NEB: variants seen among roughly 807,000 people sequenced by gnomAD.
The protein encoded by NEB is nebulin.
In NEB, 512 loss-of-function variants were observed where a neutral mutation model predicts 952.2. The ratio of observed to expected loss-of-function variants is 0.54; its 90% CI spans 0.50 to 0.58. NEB has a LOEUF of 0.58. NEB is among the 20% of genes least tolerant of loss of function. NEB has a pLI of 0.00. For synonymous variants in NEB, 2,900 were observed against 3,149.8 expected (o/e 0.92, Z 2.66); for missense variants, 8,428 against 9,231.1 (o/e 0.91, Z 3.56).
chr2:151,570,592 G>C lies in NEB; in HGVS notation c.17023C>G (p.Arg5675Gly), dbSNP rs547231033. 8.8e-6 allele frequency: 14 copies of C among 1,593,398 alleles called. No homozygotes were observed. The highest frequency in any genetic ancestry group is 1.2e-5 in the Non-Finnish European group (14 of 1,169,634). Reference sequence around the variant, plus strand: ...GCCTTCATTTCATCCCAGCCCTCACGGTAAAGTTTCTGAAAAGGAGAAAAA... The same window carrying C: ...GCCTTCATTTCATCCCAGCCCTCACCGTAAAGTTTCTGAAAAGGAGAAAAA... ...NALNVSNKLY[R>G]EGWDEMKAGC... The change falls in exon 108 of 182, where the codon CGT becomes GGT. Residue 5675 changes from arginine (R) to glycine (G), a missense_variant. Physicochemically the swap from Arg to Gly is moderately radical, Grantham distance 125 (BLOSUM62 -2). This residue lies in a region of NEB where 3,374 missense variants were observed against 3,651.5 expected (regional missense o/e 0.92). Coordinates refer to ENST00000397345, the MANE Select transcript of NEB (RefSeq NM_001164508.2).
intron 50 of NEB, among the ~76,000 whole-genome samples, 168 bp downstream of exon 50, chr2:151,655,649 G>GA (rs1389020550): frequency 6.6e-5 from 10 of 151,860 alleles, no homozygotes; most frequent in African/African-American, 1.7e-4. Context: ...GTCAAGAGAA[G>GA]AAAAAAAATA....
At chr2:151,570,431 T>C in intron 108 of NEB, 39 bp from the exon 109 acceptor site, 1 of 1,582,666 alleles carries the variant, frequency 6.3e-7, no homozygotes, top group Non-Finnish European at 8.6e-7. Context: ...TCACAGCATG[T>C]CCTCTTGATG....
rs2099015612 is a variant in NEB, at chr2:151,650,162, A to G, written c.7431+14T>C. 6.2e-7 allele frequency: 1 copy of G among 1,608,752 alleles called. No individual in the cohort carries two copies. Among genetic ancestry groups the G allele is most frequent in the African/African-American group, 1.3e-5 (1 of 74,806 alleles). On this transcript the variant is annotated intron_variant, in intron 54 of 181. Coordinates refer to ENST00000397345, the MANE Select transcript of NEB (RefSeq NM_001164508.2). ...CAGGCACTATAATCTATTTATTTCC[A>G]GAGTGCTACTCACATCACTCCTATT...
intron 129 of NEB, 86 bp from the exon 130 acceptor site, chr2:151,549,826 A>G (rs1245640305): frequency 5.3e-6 from 4 of 751,910 alleles, no homozygotes; most frequent in Non-Finnish European, 9.3e-6. Flanking sequence ...AGCTCATGTT[A>G]CAGTTTTGAC....
intron 75 of NEB, among the ~76,000 whole-genome samples, chr2:151,616,975 T>A (rs1332927981): frequency 6.6e-6 from 1 of 152,240 alleles, no homozygotes; most frequent in Non-Finnish European, 1.5e-5. Context: ...TAACATCAAA[T>A]GATTATCAGA....
rs770240346 is a variant in NEB, at chr2:151,692,066, T to C, written c.2099A>G (p.Asn700Ser). The C allele has an allele frequency of 5.6e-6, 9 of 1,613,724 alleles. No homozygotes were observed. The East Asian group carries it at 2.0e-4, about 36-fold the overall frequency. Residue 700 changes from asparagine (N) to serine (S), a missense_variant, in exon 22 of 182, where the codon AAC becomes AGC. Asn to Ser is a conservative substitution (Grantham distance 46). This residue lies in a region of NEB where 2,851 missense variants were observed against 2,791.5 expected (regional missense o/e 1.02). Transcript: ENST00000397345. ...CATTGTCTTCAAACTTACATCACTG[T>C]TTTGAGCTGCAACTTTCATGCAGTG... ...HTHCMKVAAQ[N>S]SDKSYKAEYE...
intron 13 of NEB, among the ~76,000 whole-genome samples, chr2:151,701,516 A>G (rs1211835499): frequency 6.7e-6 from 1 of 150,340 alleles, no homozygotes; most frequent in Non-Finnish European, 1.5e-5. Context: ...TGGTTGGTAA[A>G]CTATTGATTA....
At chr2:151,565,197 T>G in intron 116 of NEB, 49 bp from the exon 117 acceptor site, 3 of 966,328 alleles carry the variant, frequency 3.1e-6, no homozygotes, top group Non-Finnish European at 4.6e-6. Context: ...AATATTAAAT[T>G]TTTATAAGAT....
At position 151,493,208 on chromosome 2, in the gene NEB, T is replaced by C. The variant is rs143183246; in HGVS notation, c.24765+145A>G. Reference sequence around the variant, plus strand: ...GAATAAGTGCAAATTTTTATGGTGTTAAAACGTTACTTTCCAAGATGTTGC... The same window carrying C: ...GAATAAGTGCAAATTTTTATGGTGTCAAAACGTTACTTTCCAAGATGTTGC... On this transcript the variant is annotated intron_variant, in intron 176 of 181. Coordinates refer to ENST00000397345, the MANE Select transcript of NEB (RefSeq NM_001164508.2). 643 of 652,886 alleles carry C rather than the reference T, an allele frequency of 9.8e-4. 11 individuals are homozygous for C. In the East Asian group the frequency reaches 0.018, roughly 18 times the overall value. The allele number at this position is 652,886 out of a possible 1,614,324, so 40.4% of individuals were successfully genotyped here.
At chr2:151,721,310 T>C (rs1449755034) in intron 9 of NEB, among the ~76,000 whole-genome samples, 1 of 152,192 alleles carries the variant, frequency 6.6e-6, no homozygotes, top group Non-Finnish European at 1.5e-5. Context: ...TTATTACCGT[T>C]CCATGTCGAA....
rs2094590252 is a variant in NEB, at chr2:151,545,748, T to C, written c.20577+140A>G. 5 of 591,474 alleles carry C rather than the reference T, an allele frequency of 8.5e-6. No individual in the cohort carries two copies. The South Asian group carries it at 1.2e-4, about 14-fold the overall frequency. The allele number at this position is 591,474 out of a possible 1,614,324, so 36.6% of individuals were successfully genotyped here. On this transcript the variant is annotated intron_variant, in intron 135 of 181. Coordinates refer to ENST00000397345, the MANE Select transcript of NEB (RefSeq NM_001164508.2). ...TTGACTTGCTTAGACATAGTAGCCA[T>C]TCCACAGTTAAGAGGGGAAATATTT...
Position 151,619,588 on chromosome 2 carries a change from G to C in NEB, c.10735C>G (p.Leu3579Val), listed in dbSNP as rs149384863. Residue 3579 changes from leucine (L) to valine (V), a missense_variant, in exon 73 of 182, where the codon CTT becomes GTT. Around this residue, in one of 11 missense-constraint regions of NEB, gnomAD observed 1,772 missense variants for 1,960.3 expected, o/e 0.90. Coordinates refer to ENST00000397345, the MANE Select transcript of NEB (RefSeq NM_001164508.2). ...KTRYSSPVDM[L>V]GIVLAKKCQT... is the part of the protein sequence containing the mutation. ...CACTTCTTGGCCAAAACGATACCAAGCATGTCCACTGGGCTGCTGTACCTT... is the reference window on the plus strand; with the variant it reads ...CACTTCTTGGCCAAAACGATACCAACCATGTCCACTGGGCTGCTGTACCTT... 5.6e-5 allele frequency: 91 copies of C among 1,613,964 alleles called. No individual in the cohort carries two copies. The Middle Eastern group carries it at 6.6e-4, about 12-fold the overall frequency.
At chr2:151,620,696 T>C (rs923477898) in intron 72 of NEB, among the ~76,000 whole-genome samples, 2 of 152,114 alleles carry the variant, frequency 1.3e-5, no homozygotes, top group African/African-American at 2.4e-5. Flanking sequence ...CTCACTCCTA[T>C]TGAGCAAAGA....
At chr2:151,633,591 G>A in intron 65 of NEB, 63 bp downstream of exon 65, 1 of 1,534,874 alleles carries the variant, frequency 6.5e-7, no homozygotes, top group Non-Finnish European at 8.8e-7. Context: ...GTATATAAAG[G>A]ATAATTTTCA....
chr2:151,696,807 A>C (rs1454950451), intron 16 of NEB, 72 bp from the exon 17 acceptor site: 1 of 1,070,078 alleles, frequency 9.3e-7, no homozygotes, highest in East Asian at 2.4e-5. Context: ...AGGCCAAGCA[A>C]ATAGAACCTC....
rs776470339 is a variant in NEB, at chr2:151,561,234, C to G, written c.19075G>C (p.Val6359Leu). The G allele has an allele frequency of 1.9e-6, 3 of 1,608,410 alleles. No individual in the cohort carries two copies. Among genetic ancestry groups the G allele is most frequent in the Non-Finnish European group, 2.5e-6 (3 of 1,177,052 alleles). The change falls in exon 122 of 182, where the codon GTT (valine) becomes CTT (leucine). Residue 6359 changes from valine to leucine, a missense_variant. Around this residue, in one of 11 missense-constraint regions of NEB, gnomAD observed 3,374 missense variants for 3,651.5 expected, o/e 0.92. Coordinates refer to ENST00000397345, the MANE Select transcript of NEB (RefSeq NM_001164508.2). Reference protein sequence around the residue: ...VTDTPLYVTAVQSGINASEVK... With the variant: ...VTDTPLYVTALQSGINASEVK... ...TCACTGGCATTAATGCCACTCTGAA[C>G]AGCAGTCACATAGAGGGGCGTGTCT...
intron 24 of NEB, among the ~76,000 whole-genome samples, chr2:151,688,669 C>T (rs1254883477): frequency 6.6e-6 from 1 of 152,028 alleles, no homozygotes; most frequent in East Asian, 1.9e-4. Flanking sequence ...CATGTTCTTT[C>T]CTATACATAT....
At chr2:151,616,935 TG>T (rs977707888) in intron 75 of NEB, among the ~76,000 whole-genome samples, 4 of 152,220 alleles carry the variant, frequency 2.6e-5, no homozygotes, top group Non-Finnish European at 5.9e-5. Flanking sequence ...TTGAAAATGT[TG>T]GTTCTGGCAG....
rs755165133 is a variant in NEB, at chr2:151,537,184, T to C, written c.21155A>G (p.Tyr7052Cys). 18 of 1,613,206 alleles carry C rather than the reference T, an allele frequency of 1.1e-5. No homozygotes were observed. Among genetic ancestry groups the C allele is most frequent in the Middle Eastern group, 3.3e-4 (2 of 6,078 alleles). The change falls in exon 141 of 182, where the codon TAT becomes TGT. Residue 7052 changes from tyrosine to cysteine, a missense_variant. Physicochemically the swap from Tyr to Cys is radical, Grantham distance 194. This residue lies in a region of NEB where 3,374 missense variants were observed against 3,651.5 expected (regional missense o/e 0.92). Coordinates refer to ENST00000397345, the MANE Select transcript of NEB (RefSeq NM_001164508.2). ...AGCCAGAGTGAAATCAGGGGTATCA[T>C]AGGCATAGCAACCAATGCCTTTAAG... The part of the protein sequence containing the change: ...TWLKGIGCYA[Y>C]DTPDFTLAEK...
Sources: allele counts gnomAD v4.1 joint callset (sites outside exome capture counted in the v4.1 genomes callset), GRCh38; gene constraint gnomAD v4.1.1; regional missense constraint gnomAD v4.1.1; transcripts MANE v1.5; gene names NCBI Gene and HGNC (gene_info 2026-07-23, HGNC 2026-07-21).